The following ANKRD42 variants were observed in gnomAD, a reference collection of about 807,000 sequenced individuals.
The protein encoded by ANKRD42 is ankyrin repeat domain 42.
In ANKRD42, 43 loss-of-function variants were observed where a neutral mutation model predicts 51.5. That is an observed-to-expected ratio of 0.83 (90% CI 0.65 to 1.08). The LOEUF (loss-of-function observed/expected upper bound fraction) is 1.08, where lower values mean the gene tolerates loss of function less well. Among genes scored for constraint, ANKRD42 ranks in the 50% least tolerant of loss-of-function variants. ANKRD42 has a pLI of 0.00. For synonymous variants in ANKRD42, 203 were observed against 213.0 expected (o/e 0.95, Z 0.41); for missense variants, 608 against 629.3 (o/e 0.97, Z 0.36).
downstream of ANKRD42, among the ~76,000 whole-genome samples, chr11:83,250,453 G>T (rs896203227): frequency 6.6e-6 from 1 of 152,124 alleles, no homozygotes; most frequent in African/African-American, 2.4e-5. Context: ...ATAAATGAGA[G>T]GGCAGAGGCT....
chr11:83,211,860 G>A (rs1360049692), intron 5 of ANKRD42, among the ~76,000 whole-genome samples: 1 of 152,050 alleles, frequency 6.6e-6, no homozygotes, highest in Admixed American at 6.5e-5. Flanking sequence ...ACAAAACGAA[G>A]TAGTATATAT....
At chr11:83,240,677 T>A (rs1177217398) in intron 8 of ANKRD42, 82 bp from the exon 9 acceptor site, 46 of 1,493,530 alleles carry the variant, frequency 3.1e-5, no homozygotes, top group Non-Finnish European at 3.6e-5. Flanking sequence ...GTACAGAGTG[T>A]AATCCCCTAA....
At chr11:83,216,047 G>A (rs1205163284) in intron 5 of ANKRD42, among the ~76,000 whole-genome samples, 1 of 152,056 alleles carries the variant, frequency 6.6e-6, no homozygotes, top group Non-Finnish European at 1.5e-5. Context: ...CACCCACCTC[G>A]GCCACCCAAA....
downstream of ANKRD42, chr11:83,260,114 G>A (rs1180815274): frequency 2.0e-5 from 3 of 152,254 alleles, no homozygotes; most frequent in Non-Finnish European, 2.9e-5. Flanking sequence ...GATGAAGAGT[G>A]ACGACAGTGT....
At chr11:83,247,837 CTTTGT>C (rs1231442304) in intron 10 of ANKRD42, 101 bp from the exon 11 acceptor site, 11 of 975,480 alleles carry the variant, frequency 1.1e-5, no homozygotes, top group Non-Finnish European at 1.5e-5. Flanking sequence ...TAAATGATTT[CTTTGT>C]TTTATTTGCC....
intron 5 of ANKRD42, among the ~76,000 whole-genome samples, chr11:83,215,910 C>T (rs1190175306): frequency 1.3e-5 from 2 of 152,064 alleles, no homozygotes; most frequent in Non-Finnish European, 2.9e-5. Flanking sequence ...ATTCTCCTGC[C>T]TTAGCCTCTC....
chr11:83,213,420 G>A, intron 5 of ANKRD42: 1 of 1,529,322 alleles, frequency 6.5e-7, no homozygotes, highest in African/African-American at 1.4e-5. Context: ...TCATGTGCAT[G>A]TTTTGTGTTT....
At chr11:83,214,442 G>T (rs1339961089) in intron 5 of ANKRD42, 1 of 981,610 alleles carries the variant, frequency 1.0e-6, no homozygotes, top group Non-Finnish European at 1.2e-6. Flanking sequence ...GGTCTTGTCT[G>T]GTCATTAAAA....
At position 83,193,898 on chromosome 11, in the gene ANKRD42, G is replaced by T. The variant is rs1219959325; in HGVS notation, c.-773G>T. 2.2e-6 allele frequency: 1 copy of T among 454,446 alleles called. No individual in the cohort carries two copies. The highest frequency in any genetic ancestry group is 7.0e-5 in the East Asian group (1 of 14,336). The allele number at this position is 454,446 out of a possible 1,614,324, so 28.2% of individuals were successfully genotyped here. A position where few individuals can be genotyped will look rare whatever the true frequency, so the allele number is the denominator to read the frequency against. ...GTGTGGAGGATAAACGGTCTACACG[G>T]CCATTCCGGCGCCGAGTCTAGGGAA... On this transcript the variant is annotated 5_prime_UTR_variant, in exon 1 of 11. Transcript: ENST00000533342.
chr11:83,194,584 A>T lies in ANKRD42; in HGVS notation c.-87A>T, dbSNP rs771490074. The T allele has an allele frequency of 2.2e-5, 29 of 1,334,992 alleles. No individual in the cohort carries two copies. Among genetic ancestry groups the T allele is most frequent in the Non-Finnish European group, 3.0e-5 (28 of 938,766 alleles). The allele number at this position is 1,334,992 out of a possible 1,614,324, so 82.7% of individuals were successfully genotyped here. On this transcript the variant is annotated 5_prime_UTR_variant, in exon 1 of 11. Coordinates refer to ENST00000533342, the MANE Select transcript of ANKRD42 (RefSeq NM_001300975.2). ...CGGAGAAGAGGGCCGCTGCCGCTGC[A>T]GTGGCTCGTGGGTGAGAGCAAGTGA... is the stretch of plus-strand genomic sequence containing the variant.
At chr11:83,228,247 T>C (rs1167572318) in intron 7 of ANKRD42, among the ~76,000 whole-genome samples, 40 of 121,338 alleles carry the variant, frequency 3.3e-4, no homozygotes, top group East Asian at 9.4e-4. Flanking sequence ...TTTTTTTTTT[T>C]TTTTTTTTTT....
At chr11:83,229,220 TC>T in intron 7 of ANKRD42, among the ~76,000 whole-genome samples, 1 of 152,150 alleles carries the variant, frequency 6.6e-6, no homozygotes, top group African/African-American at 2.4e-5. Context: ...CTTGATGTCC[TC>T]CTCTTGTAAG....
chr11:83,216,363 G>A (rs933727128), intron 5 of ANKRD42, among the ~76,000 whole-genome samples: 5 of 147,486 alleles, frequency 3.4e-5, no homozygotes, highest in Non-Finnish European at 6.0e-5. Flanking sequence ...TCTCGCTGTC[G>A]CCCAGGCTGG....
chr11:83,256,782 CAA>C (rs1341987700), downstream of ANKRD42, among the ~76,000 whole-genome samples: 1 of 152,142 alleles, frequency 6.6e-6, no homozygotes, highest in Non-Finnish European at 1.5e-5. Context: ...TTTGCTGTGA[CAA>C]GAGTGCATTT....
intron 5 of ANKRD42, chr11:83,213,051 G>T (rs1212637280): frequency 2.5e-6 from 4 of 1,600,062 alleles, no homozygotes; most frequent in Non-Finnish European, 3.4e-6. Context: ...ATCAAAAAGA[G>T]AACTAAGAAG....
downstream of ANKRD42, among the ~76,000 whole-genome samples, chr11:83,251,769 G>T (rs1316971810): frequency 1.3e-5 from 2 of 151,932 alleles, no homozygotes; most frequent in Admixed American, 6.6e-5. Flanking sequence ...TTAAAAATTG[G>T]TAAGAATTTT....
At position 83,194,494 on chromosome 11, in the gene ANKRD42, G is replaced by A. The variant is rs1861546550; in HGVS notation, c.-177G>A. 1 of 718,990 alleles carries A rather than the reference G, an allele frequency of 1.4e-6. No homozygotes were observed. Among genetic ancestry groups the A allele is most frequent in the African/African-American group, 1.7e-5 (1 of 57,552 alleles). 44.5% of individuals were successfully genotyped at this position (718,990 alleles called of 1,614,324 possible). A position where few individuals can be genotyped will look rare whatever the true frequency, so the allele number is the denominator to read the frequency against. ...CTTTTGGGAGAGAGAAAGTGAAGAC[G>A]AAGGTTTCCGCTGCAGCTTCTGGGA... is the stretch of plus-strand genomic sequence containing the variant. On this transcript the variant is annotated 5_prime_UTR_variant, in exon 1 of 11. Coordinates refer to ENST00000533342, the MANE Select transcript of ANKRD42 (RefSeq NM_001300975.2).
chr11:83,203,937 C>T (rs1303280065), intron 2 of ANKRD42, among the ~76,000 whole-genome samples: 2 of 152,002 alleles, frequency 1.3e-5, no homozygotes, highest in African/African-American at 4.8e-5. Flanking sequence ...CGGTTCTCTT[C>T]TCTCTTCTCT....
At chr11:83,240,501 A>G (rs1429375782) in intron 8 of ANKRD42, among the ~76,000 whole-genome samples, 1 of 152,232 alleles carries the variant, frequency 6.6e-6, no homozygotes, top group Non-Finnish European at 1.5e-5. Flanking sequence ...TTGGATCTCC[A>G]TTCCCAGTGT....
Sources: gnomAD v4.1 joint callset for allele counts (sites outside exome capture counted in the v4.1 genomes callset) on GRCh38, gnomAD v4.1.1 for gene constraint, MANE v1.5 for transcripts, NCBI Gene and HGNC (gene_info 2026-07-23, HGNC 2026-07-21) for gene names.